LPCAT1: variants seen among roughly 807,000 people sequenced by gnomAD.
LPCAT1 encodes the protein 1-acylglycerol-3-phosphate O-acyltransferase.
A neutral mutation model predicts 60.9 loss-of-function variants in LPCAT1; 23 were observed. The ratio of observed to expected loss-of-function variants is 0.38; its 90% CI spans 0.27 to 0.53. The LOEUF is 0.53. LPCAT1 is among the 20% of genes least tolerant of loss of function. The pLI, the probability that LPCAT1 is intolerant of heterozygous loss-of-function variation, is 0.82. For missense variants in LPCAT1, 622 were observed against 723.6 expected (o/e 0.86, Z 1.61); for synonymous variants, 340 against 301.1 (o/e 1.13, Z -1.34).
At position 1,495,203 on chromosome 5, in the gene LPCAT1, G is replaced by A. The variant is rs1422326090; in HGVS notation, c.279-289C>T. ...CAGTGCTAAGACAACATGAGACTCC[G>A]GAACACAGACAGCACAAGTCCCAGG... On this transcript the variant is annotated intron_variant, in intron 2 of 13. Coordinates refer to ENST00000283415, the MANE Select transcript of LPCAT1 (RefSeq NM_024830.5). The surrounding 1 kb of genome is among the most constrained non-coding windows in gnomAD (Gnocchi z 4.7). 6.6e-6 allele frequency among the ~76,000 whole-genome samples: 1 copy of A among 152,218 alleles called. No homozygotes were observed. Among genetic ancestry groups the A allele is most frequent in the Admixed American group, 6.5e-5 (1 of 15,280 alleles).
chr5:1,513,454 A>G (rs1169177622), intron 1 of LPCAT1, among the ~76,000 whole-genome samples: 1 of 152,186 alleles, frequency 6.6e-6, no homozygotes, highest in African/African-American at 2.4e-5. Flanking sequence ...TGCTCGCAAG[A>G]AGAATACAGG....
intron 1 of LPCAT1, among the ~76,000 whole-genome samples, chr5:1,509,347 T>C (rs921186738): frequency 6.6e-6 from 1 of 152,236 alleles, no homozygotes; most frequent in African/African-American, 2.4e-5. Context: ...CTCCACAGGA[T>C]ATGCGACAGT....
In LPCAT1 at chr5:1,475,173, C is replaced by T. The variant is rs555792656; in HGVS notation, c.900-488G>A. ...CCCTCACTCCCAGAGCTGCTCTGAC[C>T]GTGCCGTGTGTGCTCAGGTGATGAG... On this transcript the variant is annotated intron_variant, in intron 9 of 13. Coordinates refer to ENST00000283415, the MANE Select transcript of LPCAT1 (RefSeq NM_024830.5). Among the ~76,000 whole-genome samples the T allele has an allele frequency of 6.4e-4, 98 of 152,364 alleles. 1 individual carries two copies. Among genetic ancestry groups the T allele is most frequent in the Non-Finnish European group, 1.2e-3 (83 of 68,040 alleles).
intron 6 of LPCAT1, among the ~76,000 whole-genome samples, chr5:1,482,317 G>A (rs899635053): frequency 2.0e-5 from 3 of 149,362 alleles, no homozygotes; most frequent in African/African-American, 7.4e-5. Flanking sequence ...CGATGGAACC[G>A]GAAGTATTCT....
At chr5:1,510,980 A>G (rs929136444) in intron 1 of LPCAT1, 1 of 152,242 alleles carries the variant, frequency 6.6e-6, no homozygotes, top group African/African-American at 2.4e-5. Context: ...GGCCCTGGTT[A>G]GTCCTGCTTT....
intron 12 of LPCAT1, 114 bp from the exon 13 acceptor site, chr5:1,467,004 C>T: frequency 2.5e-6 from 3 of 1,196,922 alleles, no homozygotes; most frequent in Non-Finnish European, 2.2e-6. Context: ...TGGGCACCTG[C>T]AGGGCCGGCG....
At chr5:1,479,552 T>C (rs1735048963) in intron 8 of LPCAT1, 69 bp downstream of exon 8, 4 of 1,124,784 alleles carry the variant, frequency 3.6e-6, no homozygotes, top group Non-Finnish European at 5.5e-6. Context: ...TATCTGGGCA[T>C]CCTGGTGTAA....
chr5:1,474,285 C>G (rs1337836685), intron 10 of LPCAT1, among the ~76,000 whole-genome samples, 175 bp from the exon 11 acceptor site: 1 of 152,240 alleles, frequency 6.6e-6, no homozygotes, highest in African/African-American at 2.4e-5. Context: ...GTCCAAGTGT[C>G]AAGCCAGGTG....
At chr5:1,513,656 C>T (rs1251285214) in intron 1 of LPCAT1, among the ~76,000 whole-genome samples, 1 of 150,538 alleles carries the variant, frequency 6.6e-6, no homozygotes, top group Admixed American at 6.6e-5. Flanking sequence ...ATGTTTCCTC[C>T]ATTTCCACAG....
rs1736722220 is a variant in LPCAT1 at position 1,523,088 on chromosome 5, A to C, written c.135+622T>G. 6.6e-6 allele frequency among the ~76,000 whole-genome samples: 1 copy of C among 152,226 alleles called. No homozygotes were observed. Among genetic ancestry groups the C allele is most frequent in the Non-Finnish European group, 1.5e-5 (1 of 68,032 alleles). ...GAGCGAAGCATGCACCCCAGAAGGC[A>C]ACGTGCGGCCGCAGAGCAGGGAGAC... On this transcript the variant is annotated intron_variant, in intron 1 of 13. Transcript: ENST00000283415. This position sits in a 1 kb window ranked among gnomAD's most constrained non-coding sequence, Gnocchi z 7.1.
chr5:1,465,146 C>T (rs901465400), intron 13 of LPCAT1, among the ~76,000 whole-genome samples: 10 of 147,664 alleles, frequency 6.8e-5, no homozygotes, highest in South Asian at 2.2e-4. Flanking sequence ...CGCAGGCACA[C>T]GCGGTAACTA....
intron 12 of LPCAT1, among the ~76,000 whole-genome samples, chr5:1,467,490 G>A (rs1734468712): frequency 6.6e-6 from 1 of 152,138 alleles, no homozygotes; most frequent in South Asian, 2.1e-4. Context: ...TGCTCCAGGT[G>A]TGGAAGCGGC....
intron 11 of LPCAT1, among the ~76,000 whole-genome samples, chr5:1,471,476 G>T (rs1734666166): frequency 6.6e-6 from 1 of 152,216 alleles, no homozygotes; most frequent in Non-Finnish European, 1.5e-5. Context: ...GGGGCTGACA[G>T]GGTCTGCACT....
At chr5:1,512,814 C>T (rs116747803) in intron 1 of LPCAT1, among the ~76,000 whole-genome samples, 1,909 of 152,352 alleles carry the variant, frequency 0.013, 16 homozygotes, top group Non-Finnish European at 0.019. Context: ...AAAGAAAACA[C>T]GCTTACTCAT....
chr5:1,503,487 G>A lies in LPCAT1; in HGVS notation c.136-1884C>T, dbSNP rs1007629952. 2.6e-5 allele frequency among the ~76,000 whole-genome samples: 4 copies of A among 152,202 alleles called. No homozygotes were observed. In the South Asian group the frequency reaches 6.2e-4, roughly 24 times the overall value. On this transcript the variant is annotated intron_variant, in intron 1 of 13. Coordinates refer to ENST00000283415, the MANE Select transcript of LPCAT1 (RefSeq NM_024830.5). ...CACTAACATGATGCCTTACGGCCAC[G>A]GTCTCTCTAATACTGAAAGCTAGCT...
intron 4 of LPCAT1, among the ~76,000 whole-genome samples, chr5:1,488,863 TG>T (rs1560972017): frequency 2.6e-4 from 40 of 152,194 alleles, no homozygotes; most frequent in African/African-American, 8.9e-4. Flanking sequence ...CAAATGGCAG[TG>T]CCTGGCTGAT....
rs531656009 is a variant in LPCAT1, at chr5:1,470,757, T to G, written c.1278+69A>C. On this transcript the variant is annotated intron_variant, in intron 12 of 13. Transcript: ENST00000283415. ...CTGATATTATAAGGAACTAGAGAAA[T>G]GAACAATGGTGCTGACGTGACTGCA... is the stretch of plus-strand genomic sequence containing the variant. 150 of 1,185,988 alleles carry G rather than the reference T, an allele frequency of 1.3e-4. No individual in the cohort carries two copies. In the South Asian group the frequency reaches 2.0e-3, roughly 16 times the overall value. 73.5% of individuals were successfully genotyped at this position (1,185,988 alleles called of 1,614,324 possible).
At position 1,480,890 on chromosome 5, in the gene LPCAT1, T is replaced by C. The variant is rs1735111563; in HGVS notation, c.761+52A>G. On this transcript the variant is annotated intron_variant, in intron 7 of 13. Coordinates refer to ENST00000283415, the MANE Select transcript of LPCAT1 (RefSeq NM_024830.5). The surrounding 1 kb of genome is among the most constrained non-coding windows in gnomAD (Gnocchi z 6.4). Reference sequence around the variant, plus strand: ...TGCACAGCAGACCCCAAGCAGCCCCTACGTGTTCATGGAACAACAGGACAA... The same window carrying C: ...TGCACAGCAGACCCCAAGCAGCCCCCACGTGTTCATGGAACAACAGGACAA... 10 of 1,608,762 alleles carry C rather than the reference T, an allele frequency of 6.2e-6. No individual in the cohort carries two copies. In the South Asian group the frequency reaches 8.8e-5, roughly 14 times the overall value.
intron 8 of LPCAT1, among the ~76,000 whole-genome samples, chr5:1,478,947 T>C (rs2126517487): frequency 6.6e-6 from 1 of 152,370 alleles, no homozygotes; most frequent in African/African-American, 2.4e-5. Context: ...GGGGGATCTT[T>C]GACTATGTAT....
Sources: allele counts gnomAD v4.1 joint callset (sites outside exome capture counted in the v4.1 genomes callset), GRCh38; gene constraint gnomAD v4.1.1; non-coding constraint Gnocchi (gnomAD v3.1); transcripts MANE v1.5; gene names NCBI Gene and HGNC (gene_info 2026-07-23, HGNC 2026-07-21).